Variants in RAB21 observed in about 807,000 individuals in gnomAD.
The protein encoded by RAB21 is ras-related protein Rab-21.
RAB21 carries 13 observed loss-of-function variants against 33.1 expected under a neutral mutation model. That is an observed-to-expected ratio of 0.39 (90% CI 0.26 to 0.62). The LOEUF (loss-of-function observed/expected upper bound fraction) is 0.62, where lower values mean the gene tolerates loss of function less well. Ranked by LOEUF, RAB21 falls within the 20% of genes least tolerant of loss-of-function variation. The pLI is 0.48. For synonymous variants in RAB21, 91 were observed against 103.7 expected (o/e 0.88, Z 0.74); for missense variants, 234 against 279.1 (o/e 0.84, Z 1.15).
chr12:71,761,128 G>C (rs1882866919), intron 1 of RAB21, among the ~76,000 whole-genome samples: 1 of 151,952 alleles, frequency 6.6e-6, no homozygotes, highest in South Asian at 2.1e-4. Flanking sequence ...GATCACTTGA[G>C]CCTAAGAGAT....
rs1276310082 is a variant in RAB21, at chr12:71,792,497, CAT to C, written c.*6827_*6828del. On this transcript the variant is annotated 3_prime_UTR_variant, in exon 7 of 7. Transcript: ENST00000261263. ...CTGCACTGTCAAGACTATAGCTTAGCATATGTGTGCTATGACACAAGGTTAAA... is the reference window on the plus strand; with the variant it reads ...CTGCACTGTCAAGACTATAGCTTAGCATGTGTGCTATGACACAAGGTTAAA... 1 of 152,182 alleles carries C rather than the reference CAT, an allele frequency of 6.6e-6. No individual in the cohort carries two copies. Among genetic ancestry groups the C allele is most frequent in the African/African-American group, 2.4e-5 (1 of 41,432 alleles). 9.4% of individuals were successfully genotyped at this position (152,182 alleles called of 1,614,324 possible).
chr12:71,785,550 A>G lies in RAB21; in HGVS notation c.555A>G (p.Gln185=), dbSNP rs1883271973. Reference sequence around the variant, plus strand: ...TCTTAGGGATGATAGAAACAGCACAAGTGGATGAGAGAGCAAAAGGCAATG... The same window carrying G: ...TCTTAGGGATGATAGAAACAGCACAGGTGGATGAGAGAGCAAAAGGCAATG... ...DLCKRMIETA[Q]VDERAKGNGS... Residue 185 remains glutamine, a synonymous_variant, in exon 7 of 7, where the codon CAA becomes CAG. Coordinates refer to ENST00000261263, the MANE Select transcript of RAB21 (RefSeq NM_014999.4). The G allele has an allele frequency of 6.2e-7, 1 of 1,614,184 alleles. No individual in the cohort carries two copies.
intron 1 of RAB21, among the ~76,000 whole-genome samples, chr12:71,765,924 C>G (rs1882954212): frequency 6.6e-6 from 1 of 151,688 alleles, no homozygotes; most frequent in African/African-American, 2.4e-5. Flanking sequence ...AGAGTTCTCC[C>G]TTGAAGAAAA....
At position 71,794,654 on chromosome 12, in the gene RAB21, G is replaced by C. The variant is rs1165793836; in HGVS notation, c.*8981G>C. On this transcript the variant is annotated 3_prime_UTR_variant, in exon 7 of 7. Transcript: ENST00000261263. ...GGGGTTTCACCGTGTTAGCCAGGAT[G>C]GTCTCTATCTCCTGACCTTGTTATC... is the stretch of plus-strand genomic sequence containing the variant. The C allele has an allele frequency of 6.9e-6, 1 of 145,426 alleles. No homozygotes were observed. Among genetic ancestry groups the C allele is most frequent in the Non-Finnish European group, 1.5e-5 (1 of 66,190 alleles). The allele number at this position is 145,426 out of a possible 1,614,324, so 9.0% of individuals were successfully genotyped here.
Position 71,798,686 on chromosome 12 carries a change from ATT to A in RAB21, c.*13014_*13015del, listed in dbSNP as rs938058906. 1 of 152,224 alleles carries A rather than the reference ATT, an allele frequency of 6.6e-6. No individual in the cohort carries two copies. Among genetic ancestry groups the A allele is most frequent in the African/African-American group, 2.4e-5 (1 of 41,462 alleles). 9.4% of individuals were successfully genotyped at this position (152,224 alleles called of 1,614,324 possible). On this transcript the variant is annotated 3_prime_UTR_variant, in exon 7 of 7. Coordinates refer to ENST00000261263, the MANE Select transcript of RAB21 (RefSeq NM_014999.4). ...TACTGAGATACCAGTTTTTTAACCT[ATT>A]AATCAAGAAAGACTTTTTAGTTTTA... is the stretch of plus-strand genomic sequence containing the variant.
At chr12:71,771,464 T>G (rs1005278732) in intron 3 of RAB21, among the ~76,000 whole-genome samples, 2 of 152,236 alleles carry the variant, frequency 1.3e-5, no homozygotes, top group Non-Finnish European at 2.9e-5. Context: ...TTTTGTTTTT[T>G]CTCTTTATTT....
intron 1 of RAB21, among the ~76,000 whole-genome samples, chr12:71,760,679 G>A (rs1014120766): frequency 3.3e-5 from 5 of 152,080 alleles, no homozygotes; most frequent in African/African-American, 1.2e-4. Flanking sequence ...TCAATTTGGT[G>A]TGCCTTCTTT....
intron 1 of RAB21, among the ~76,000 whole-genome samples, chr12:71,757,617 A>G (rs1176998761): frequency 6.6e-6 from 1 of 152,246 alleles, no homozygotes; most frequent in Non-Finnish European, 1.5e-5. Context: ...GTAAACAGCA[A>G]TGTGTCTAAT....
intron 1 of RAB21, among the ~76,000 whole-genome samples, chr12:71,765,550 T>C (rs1882946987): frequency 6.6e-6 from 1 of 152,120 alleles, no homozygotes; most frequent in African/African-American, 2.4e-5. Flanking sequence ...GAAGAGTTTT[T>C]CCAATGTTAT....
At chr12:71,762,424 G>A (rs1882886663) in intron 1 of RAB21, among the ~76,000 whole-genome samples, 1 of 152,092 alleles carries the variant, frequency 6.6e-6, no homozygotes, top group Admixed American at 6.5e-5. Flanking sequence ...TCCTGCCTCA[G>A]CCTCCCGAGT....
At chr12:71,769,257 A>G (rs1375495243) in intron 1 of RAB21, among the ~76,000 whole-genome samples, 3 of 152,222 alleles carry the variant, frequency 2.0e-5, no homozygotes, top group Admixed American at 6.5e-5. Flanking sequence ...TATCACATGG[A>G]ATCGTAATTC....
chr12:71,782,474 A>AACTG (rs1360454851), intron 5 of RAB21, 96 bp from the exon 6 acceptor site: 1 of 755,490 alleles, frequency 1.3e-6, no homozygotes, highest in African/African-American at 1.8e-5. Flanking sequence ...ACTTGAGTAA[A>AACTG]TTAATATGTC....
chr12:71,783,203 A>T (rs1408246083), intron 6 of RAB21, among the ~76,000 whole-genome samples: 2 of 152,010 alleles, frequency 1.3e-5, no homozygotes, highest in Non-Finnish European at 2.9e-5. Flanking sequence ...AATGGTAGGG[A>T]TGCTTAGGGT....
chr12:71,780,679 G>A (rs1565893461), intron 4 of RAB21, among the ~76,000 whole-genome samples: 1 of 152,188 alleles, frequency 6.6e-6, no homozygotes, highest in Non-Finnish European at 1.5e-5. Flanking sequence ...GCAGTTGCCA[G>A]CAACTAGGTT....
Position 71,798,498 on chromosome 12 carries a change from A to G in RAB21, c.*12825A>G, listed in dbSNP as rs1883494580. 1 of 152,212 alleles carries G rather than the reference A, an allele frequency of 6.6e-6. No homozygotes were observed. The allele number at this position is 152,212 out of a possible 1,614,324, so 9.4% of individuals were successfully genotyped here. A position where few individuals can be genotyped will look rare whatever the true frequency, so the allele number is the denominator to read the frequency against. ...GGAAAAAATATTTTCAAATCATATC[A>G]TGCATTGCTTAATTTATAAAGAACA... is the stretch of plus-strand genomic sequence containing the variant. On this transcript the variant is annotated 3_prime_UTR_variant, in exon 7 of 7. Transcript: ENST00000261263.
intron 1 of RAB21, among the ~76,000 whole-genome samples, chr12:71,766,153 A>G (rs1264134383): frequency 6.6e-6 from 1 of 152,152 alleles, no homozygotes; most frequent in Non-Finnish European, 1.5e-5. Flanking sequence ...AAATTGAGTT[A>G]TACCTGCATT....
intron 1 of RAB21, among the ~76,000 whole-genome samples, chr12:71,757,546 A>T (rs1389481414): frequency 6.6e-6 from 1 of 152,264 alleles, no homozygotes; most frequent in East Asian, 1.9e-4. Flanking sequence ...TATAGTAGAT[A>T]TCCAGTATTA....
chr12:71,766,657 C>T (rs1176140326), intron 1 of RAB21, among the ~76,000 whole-genome samples: 2 of 151,904 alleles, frequency 1.3e-5, no homozygotes, highest in Admixed American at 1.3e-4. Context: ...GAGTTGATTC[C>T]CTAAAATTCT....
rs1336069821 is a variant in RAB21 at position 71,788,485 on chromosome 12, C to T, written c.*2812C>T. On this transcript the variant is annotated 3_prime_UTR_variant, in exon 7 of 7. Transcript: ENST00000261263. ...GTAGGAATAGAGTAATGAAAGAGGA[C>T]CAGTCAACTTCAGTATATATACAAA... 6.6e-6 allele frequency: 1 copy of T among 151,984 alleles called. No homozygotes were observed. The highest frequency in any genetic ancestry group is 2.4e-5 in the African/African-American group (1 of 41,372). 9.4% of individuals were successfully genotyped at this position (151,984 alleles called of 1,614,324 possible).
Sources: gnomAD v4.1 joint callset for allele counts (sites outside exome capture counted in the v4.1 genomes callset) on GRCh38, gnomAD v4.1.1 for gene constraint, MANE v1.5 for transcripts, NCBI Gene and HGNC (gene_info 2026-07-23, HGNC 2026-07-21) for gene names.